Variants in IPO8 observed in about 807,000 individuals in gnomAD.
IPO8 encodes the protein importin-8.
A neutral mutation model predicts 141.2 loss-of-function variants in IPO8; 65 were observed. The observed-to-expected ratio is 0.46, with a 90% CI of 0.38 to 0.57. IPO8 has a LOEUF of 0.57. Among genes scored for constraint, IPO8 ranks in the 20% least tolerant of loss-of-function variants. IPO8 has a pLI of 0.00. For synonymous variants in IPO8, 411 were observed against 420.3 expected (o/e 0.98, Z 0.27); for missense variants, 980 against 1,246.8 (o/e 0.79, Z 3.22).
Position 30,634,296 on chromosome 12 carries a change from C to A in IPO8, c.2696-10G>T. 2 of 1,603,262 alleles carry A rather than the reference C, an allele frequency of 1.2e-6. No homozygotes were observed. Among genetic ancestry groups the A allele is most frequent in the Non-Finnish European group, 1.7e-6 (2 of 1,170,714 alleles). Reference sequence around the variant, plus strand: ...TCACTTGAAATCTCCTCTGTGAACCCATTAATTATTTAAAAGGAATCAAAA... The same window carrying A: ...TCACTTGAAATCTCCTCTGTGAACCAATTAATTATTTAAAAGGAATCAAAA... On this transcript the variant is annotated splice_polypyrimidine_tract_variant and intron_variant, in intron 22 of 24. Transcript: ENST00000256079.
In IPO8 at chr12:30,637,036, G is replaced by C. The variant is rs756074146; in HGVS notation, c.2641C>G (p.Leu881Val). ...GLKQVCATRQ[L>V]VNREDRSKAE... ...TTTGAACGATCTTCCCGGTTTACCAGTTGTCTAGTAGCACAGACCTGCTTT... is the reference window on the plus strand; with the variant it reads ...TTTGAACGATCTTCCCGGTTTACCACTTGTCTAGTAGCACAGACCTGCTTT... Residue 881 changes from leucine to valine, a missense_variant, in exon 22 of 25, where the codon CTG (leucine) becomes GTG (valine). Transcript: ENST00000256079. 6 of 1,614,060 alleles carry C rather than the reference G, an allele frequency of 3.7e-6. No individual in the cohort carries two copies. The highest frequency in any genetic ancestry group is 4.2e-6 in the Non-Finnish European group (5 of 1,179,956).
intron 16 of IPO8, among the ~76,000 whole-genome samples, chr12:30,658,199 A>C (rs1368358542): frequency 6.6e-6 from 1 of 152,238 alleles, no homozygotes; most frequent in Non-Finnish European, 1.5e-5. Flanking sequence ...AAAACCATTA[A>C]ACAAAAATGC....
At chr12:30,677,116 G>A (rs867496275) in intron 5 of IPO8, 1 of 1,483,596 alleles carries the variant, frequency 6.7e-7, no homozygotes, top group Non-Finnish European at 9.0e-7. Flanking sequence ...CATGCTACAT[G>A]CTACAGACAT....
At chr12:30,656,287 C>A (rs992469847) in intron 17 of IPO8, among the ~76,000 whole-genome samples, 1 of 152,174 alleles carries the variant, frequency 6.6e-6, no homozygotes, top group African/African-American at 2.4e-5. Flanking sequence ...ATTCACCCAC[C>A]TCAGCCTCCC....
chr12:30,648,831 C>T (rs1358365657), intron 20 of IPO8, among the ~76,000 whole-genome samples: 1 of 151,966 alleles, frequency 6.6e-6, no homozygotes, highest in African/African-American at 2.4e-5. Flanking sequence ...ATAGGATACA[C>T]AAAACAAAGG....
chr12:30,679,211 T>C (rs2053160158), intron 5 of IPO8, among the ~76,000 whole-genome samples: 1 of 152,192 alleles, frequency 6.6e-6, no homozygotes, highest in Non-Finnish European at 1.5e-5. Flanking sequence ...AGCATTGTAA[T>C]AGTGGCTCCT....
At chr12:30,641,493 C>CTTTTTTTTTTT (rs58656525) in intron 20 of IPO8, among the ~76,000 whole-genome samples, 4 of 135,050 alleles carry the variant, frequency 3.0e-5, no homozygotes, top group East Asian at 2.3e-4. Flanking sequence ...TAAGCTATTT[C>CTTTTTTTTTTT]TTTTTTTTTT....
At chr12:30,635,870 G>C (rs979167065) in intron 22 of IPO8, among the ~76,000 whole-genome samples, 3 of 151,978 alleles carry the variant, frequency 2.0e-5, no homozygotes, top group Non-Finnish European at 4.4e-5. Flanking sequence ...GGAAGTACAA[G>C]AAAGTGTGGG....
rs1262875270 is a variant in IPO8 at position 30,690,480 on chromosome 12, T to TA, written c.166+15dup. On this transcript the variant is annotated intron_variant, in intron 2 of 24. Transcript: ENST00000256079. ...CACCTATAAATAAATTTATAAAGGA[T>TA]AAAAAACCAACTCACCTGCCTGTCG... The TA allele has an allele frequency of 2.0e-6, 3 of 1,505,842 alleles. No homozygotes were observed. Among genetic ancestry groups the TA allele is most frequent in the African/African-American group, 2.8e-5 (2 of 71,004 alleles). 93.3% of individuals were successfully genotyped at this position (1,505,842 alleles called of 1,614,324 possible). A position where few individuals can be genotyped will look rare whatever the true frequency, so the allele number is the denominator to read the frequency against.
chr12:30,641,218 T>G (rs1435581637), intron 20 of IPO8, among the ~76,000 whole-genome samples: 10 of 152,232 alleles, frequency 6.6e-5, no homozygotes. Flanking sequence ...TCAGGTGATC[T>G]GCAGGATATG....
intron 17 of IPO8, among the ~76,000 whole-genome samples, chr12:30,654,470 T>C (rs916453632): frequency 1.3e-5 from 2 of 151,972 alleles, no homozygotes; most frequent in Non-Finnish European, 2.9e-5. Flanking sequence ...TTATAATCTA[T>C]ATCAAATGAA....
At chr12:30,687,258 GAT>G (rs1304542373) in intron 2 of IPO8, among the ~76,000 whole-genome samples, 3 of 152,136 alleles carry the variant, frequency 2.0e-5, no homozygotes, top group African/African-American at 7.2e-5. Flanking sequence ...TTAAATTTAG[GAT>G]AGTTATAATG....
At chr12:30,643,796 C>G (rs974120259) in intron 20 of IPO8, among the ~76,000 whole-genome samples, 2 of 152,230 alleles carry the variant, frequency 1.3e-5, no homozygotes, top group African/African-American at 4.8e-5. Context: ...ACAGCACAGG[C>G]CATAGCTTGC....
At chr12:30,667,424 G>A (rs1273139010) in intron 10 of IPO8, among the ~76,000 whole-genome samples, 1 of 152,172 alleles carries the variant, frequency 6.6e-6, no homozygotes, top group Non-Finnish European at 1.5e-5. Context: ...ATTATTGGGG[G>A]AAGTGAGGAG....
At chr12:30,647,598 G>C in intron 20 of IPO8, among the ~76,000 whole-genome samples, 1 of 60,404 alleles carries the variant, frequency 1.7e-5, no homozygotes, top group Non-Finnish European at 2.7e-5. Context: ...GAATGAGACC[G>C]TCTCCAAAAA....
At chr12:30,690,636 T>TG (rs2053283286) in intron 1 of IPO8, 59 bp from the exon 2 acceptor site, 1 of 859,702 alleles carries the variant, frequency 1.2e-6, no homozygotes, top group African/African-American at 1.8e-5. Context: ...AGCTTATAAG[T>TG]TAGCACCGGT....
At chr12:30,662,228 C>G (rs1490257462) in intron 15 of IPO8, 99 bp downstream of exon 15, 1 of 899,034 alleles carries the variant, frequency 1.1e-6, no homozygotes, top group African/African-American at 1.7e-5. Flanking sequence ...TGTTAAGCAG[C>G]ACATGACTGT....
At position 30,681,609 on chromosome 12, in the gene IPO8, T is replaced by C. The variant is rs180900992; in HGVS notation, c.482+50A>G. 4.5e-6 allele frequency: 7 copies of C among 1,559,122 alleles called. No individual in the cohort carries two copies. The East Asian group carries it at 1.6e-4, about 35-fold the overall frequency. ...CAGACCACTCTTTGCAACTTCATTA[T>C]TTCTAAGTTACACAAGGCTGCTTTC... On this transcript the variant is annotated intron_variant, in intron 4 of 24. Transcript: ENST00000256079.
intron 19 of IPO8, among the ~76,000 whole-genome samples, chr12:30,650,128 C>G (rs2052706104): frequency 6.6e-6 from 1 of 151,152 alleles, no homozygotes; most frequent in Admixed American, 6.6e-5. Context: ...AGGAAAGAGA[C>G]AAATACAGAC....
Sources: allele counts gnomAD v4.1 joint callset (sites outside exome capture counted in the v4.1 genomes callset), GRCh38; gene constraint gnomAD v4.1.1; transcripts MANE v1.5; gene names NCBI Gene and HGNC (gene_info 2026-07-23, HGNC 2026-07-21).